LPIN2: variants seen among roughly 807,000 people sequenced by gnomAD.
LPIN2 encodes phosphatidate phosphatase LPIN2.
Under a neutral mutation model 111.4 loss-of-function variants are expected in LPIN2, and 55 were observed. That is an observed-to-expected ratio of 0.49 (90% CI 0.40 to 0.62). The LOEUF (loss-of-function observed/expected upper bound fraction) is 0.62. LPIN2 is among the 20% of genes least tolerant of loss of function. LPIN2 has a pLI of 0.00. For missense variants in LPIN2, 992 were observed against 1,112.1 expected (o/e 0.89, Z 1.54); for synonymous variants, 425 against 414.0 (o/e 1.03, Z -0.32).
chr18:2,971,747 G>GA (rs11369729), intron 1 of LPIN2, among the ~76,000 whole-genome samples: 129,063 of 139,230 alleles, frequency 0.93, 60,113 homozygotes, highest in East Asian at 0.99. Flanking sequence ...CCATGCACTG[G>GA]AAAAAAAAAA....
At position 2,918,643 on chromosome 18, in the gene LPIN2, T is replaced by A. The variant is rs1388022587; in HGVS notation, c.*1650A>T. 9 of 152,202 alleles carry A rather than the reference T, an allele frequency of 5.9e-5. No homozygotes were observed. The highest frequency in any genetic ancestry group is 4.4e-5 in the Non-Finnish European group (3 of 68,038). The allele number at this position is 152,202 out of a possible 1,614,324, so 9.4% of individuals were successfully genotyped here. A position where few individuals can be genotyped will look rare whatever the true frequency, so the allele number is the denominator to read the frequency against. Reference sequence around the variant, plus strand: ...TCATGTGGTCCCTTCTCTGGGAACATGAGCCTTCCTAGGTTTTGCCACTGA... The same window carrying A: ...TCATGTGGTCCCTTCTCTGGGAACAAGAGCCTTCCTAGGTTTTGCCACTGA... On this transcript the variant is annotated 3_prime_UTR_variant, in exon 20 of 20. Coordinates refer to ENST00000677752, the MANE Select transcript of LPIN2 (RefSeq NM_001375808.2).
chr18:2,977,191 C>CAAA (rs71159027), intron 1 of LPIN2: 1 of 120,542 alleles, frequency 8.3e-6, no homozygotes, highest in African/African-American at 3.5e-5. Context: ...GAGACCTTGT[C>CAAA]AAAAAAAAAA....
chr18:2,980,348 A>G (rs2078089509), intron 1 of LPIN2, among the ~76,000 whole-genome samples: 1 of 152,204 alleles, frequency 6.6e-6, no homozygotes, highest in African/African-American at 2.4e-5. Flanking sequence ...TGGCCATGCT[A>G]GACTGGAGGA....
In LPIN2 at chr18:2,922,035, C is replaced by CCG; in HGVS notation, c.2327+10_2327+11dup. ...GGGGCGGTGGGCAGAGGGCTGCCTG[C>CCG]CGGAGAGGTACCTGTGGAAGGCGGA... On this transcript the variant is annotated intron_variant, in intron 17 of 19. Transcript: ENST00000677752. The CCG allele has an allele frequency of 6.2e-7, 1 of 1,609,808 alleles. No homozygotes were observed. The highest frequency in any genetic ancestry group is 8.5e-7 in the Non-Finnish European group (1 of 1,177,444).
intron 4 of LPIN2, among the ~76,000 whole-genome samples, chr18:2,941,516 G>A (rs1358939354): frequency 1.3e-5 from 2 of 152,156 alleles, no homozygotes; most frequent in Admixed American, 6.5e-5. Context: ...AGCACTGTGG[G>A]CCCCCGTTTT....
In LPIN2 at chr18:2,918,828, A is replaced by G. The variant is rs1419169838; in HGVS notation, c.*1465T>C. The G allele has an allele frequency of 6.6e-6, 1 of 152,206 alleles. No individual in the cohort carries two copies. Among genetic ancestry groups the G allele is most frequent in the Non-Finnish European group, 1.5e-5 (1 of 68,032 alleles). 9.4% of individuals were successfully genotyped at this position (152,206 alleles called of 1,614,324 possible). On this transcript the variant is annotated 3_prime_UTR_variant, in exon 20 of 20. Transcript: ENST00000677752. Reference sequence around the variant, plus strand: ...ATTATTTTAGGTGAAGCAAACTAAAACATGTAGAGGTTCCACTACAACGGC... The same window carrying G: ...ATTATTTTAGGTGAAGCAAACTAAAGCATGTAGAGGTTCCACTACAACGGC...
At chr18:2,934,848 G>A (rs2077263903) in intron 7 of LPIN2, among the ~76,000 whole-genome samples, 1 of 152,190 alleles carries the variant, frequency 6.6e-6, no homozygotes, top group Admixed American at 6.5e-5. Flanking sequence ...TCTGGGCACA[G>A]GATATTCACA....
rs1033183193 is a variant in LPIN2 at position 3,007,947 on chromosome 18, A to G, written c.-10+5140T>C. 2.6e-5 allele frequency among the ~76,000 whole-genome samples: 4 copies of G among 152,328 alleles called. No homozygotes were observed. The East Asian group carries it at 7.7e-4, about 29-fold the overall frequency. ...GTCTCCAGTGCAGCTGAACATACCT[A>G]TCTTGCCAGGAACCATAAATGTCAT... is the stretch of plus-strand genomic sequence containing the variant. On this transcript the variant is annotated intron_variant, in intron 1 of 19. Transcript: ENST00000677752.
At chr18:2,987,811 G>T (rs1342081667) in intron 1 of LPIN2, among the ~76,000 whole-genome samples, 2 of 151,882 alleles carry the variant, frequency 1.3e-5, no homozygotes, top group Non-Finnish European at 2.9e-5. Context: ...AATCCAGGAG[G>T]GTGGATCACT....
intron 4 of LPIN2, among the ~76,000 whole-genome samples, chr18:2,947,719 A>T (rs1052039316): frequency 6.6e-6 from 1 of 152,234 alleles, no homozygotes; most frequent in African/African-American, 2.4e-5. Flanking sequence ...TTTCTTTTCT[A>T]AGTGGTAGGA....
At chr18:2,994,861 G>A (rs1381343159) in intron 1 of LPIN2, among the ~76,000 whole-genome samples, 2 of 152,144 alleles carry the variant, frequency 1.3e-5, no homozygotes, top group East Asian at 3.9e-4. Flanking sequence ...TAAACAGATG[G>A]TATATGGCCC....
rs571565710 is a variant in LPIN2 at position 2,928,534 on chromosome 18, T to G, written c.1620+57A>C. 8 of 1,493,832 alleles carry G rather than the reference T, an allele frequency of 5.4e-6. No individual in the cohort carries two copies. In the East Asian group the frequency reaches 1.4e-4, roughly 25 times the overall value. 92.5% of individuals were successfully genotyped at this position (1,493,832 alleles called of 1,614,324 possible). On this transcript the variant is annotated intron_variant, in intron 11 of 19. Transcript: ENST00000677752. ...AGAAATATGCACATATGGATTTGTG[T>G]AAGTACTAGACACTGCGGATGCTTT...
At chr18:2,966,895 T>C (rs1388999749) in intron 1 of LPIN2, 1 of 152,134 alleles carries the variant, frequency 6.6e-6, no homozygotes, top group East Asian at 1.9e-4. Context: ...TTTCTGCTCA[T>C]GGACATGAGG....
rs181998155 is a variant in LPIN2, at chr18:3,010,492, G to C, written c.-10+2595C>G. ...ATTGAGAAGTATAAAAACTTACCAA[G>C]CAGTGAAGGGTATTGGAGAGAGAAA... On this transcript the variant is annotated intron_variant, in intron 1 of 19. Transcript: ENST00000677752. Among the ~76,000 whole-genome samples, 4 of 152,228 alleles carry C rather than the reference G, an allele frequency of 2.6e-5. No individual in the cohort carries two copies. The East Asian group carries it at 7.7e-4, about 29-fold the overall frequency.
chr18:2,923,868 AGAC>A lies in LPIN2; in HGVS notation c.2088-10_2088-8del, dbSNP rs1454496778. The A allele has an allele frequency of 1.9e-5, 30 of 1,612,710 alleles. No homozygotes were observed. Among genetic ancestry groups the A allele is most frequent in the Non-Finnish European group, 2.5e-5 (30 of 1,178,828 alleles). ...CTGTCCCAAAGCATCCGACCTAAGA[AGAC>A]GGTAGAAACAGGAAAAGCTATCAGG... On this transcript the variant is annotated splice_polypyrimidine_tract_variant and splice_region_variant and intron_variant, in intron 15 of 19. Transcript: ENST00000677752.
chr18:2,951,464 T>A (rs2143110423), intron 3 of LPIN2, 108 bp from the exon 4 acceptor site: 10 of 682,596 alleles, frequency 1.5e-5, no homozygotes, highest in Non-Finnish European at 2.4e-5. Flanking sequence ...AAAAAAAAAA[T>A]ACATATTCCC....
At chr18:2,949,018 G>A (rs769100317) in intron 4 of LPIN2, among the ~76,000 whole-genome samples, 17 of 152,078 alleles carry the variant, frequency 1.1e-4, no homozygotes, top group Non-Finnish European at 1.9e-4. Context: ...GGCCAGGCTG[G>A]TCTCCAACTC....
rs189366149 is a variant in LPIN2, at chr18:2,972,193, A to T, written c.-9-11344T>A. ...AGACCTCACAGAGAAAAACTTGCAT[A>T]AATCTAGTCTATGTCAGTGACAAAA... On this transcript the variant is annotated intron_variant, in intron 1 of 19. Transcript: ENST00000677752. Among the ~76,000 whole-genome samples, 23 of 152,352 alleles carry T rather than the reference A, an allele frequency of 1.5e-4. No individual in the cohort carries two copies. In the East Asian group the frequency reaches 4.4e-3, roughly 29 times the overall value.
intron 1 of LPIN2, among the ~76,000 whole-genome samples, chr18:2,983,222 C>G (rs1438576904): frequency 6.6e-6 from 1 of 152,172 alleles, no homozygotes; most frequent in African/African-American, 2.4e-5. Flanking sequence ...ATTTTCCGAG[C>G]AGCAGGGAGC....
Sources: allele counts gnomAD v4.1 joint callset (sites outside exome capture counted in the v4.1 genomes callset), GRCh38; gene constraint gnomAD v4.1.1; transcripts MANE v1.5; gene names NCBI Gene and HGNC (gene_info 2026-07-23, HGNC 2026-07-21).